The following AMBRA1 variants were observed in gnomAD, a reference collection of about 807,000 sequenced individuals.
AMBRA1 encodes the protein activating molecule in BECN1-regulated autophagy protein 1.
AMBRA1 carries 47 observed loss-of-function variants against 125.4 expected under a neutral mutation model. That is an observed-to-expected ratio of 0.37 (90% CI 0.30 to 0.48). The LOEUF is 0.48. Ranked by LOEUF, AMBRA1 falls within the 20% of genes least tolerant of loss-of-function variation. AMBRA1 has a pLI of 0.99. For missense variants in AMBRA1, 1,331 were observed against 1,693.4 expected, an observed-to-expected ratio of 0.79 and a Z score of 3.76; for synonymous variants, 626 against 655.5, an observed-to-expected ratio of 0.95 and a Z score of 0.69.
intron 5 of AMBRA1, among the ~76,000 whole-genome samples, chr11:46,544,268 A>C (rs1383663413): frequency 6.6e-6 from 1 of 152,206 alleles, no homozygotes; most frequent in Non-Finnish European, 1.5e-5. Flanking sequence ...ATTTCACATG[A>C]AAAACACCTA....
rs778337364 is a variant in AMBRA1 at position 46,542,228 on chromosome 11, T to C, written c.1789A>G (p.Ser597Gly). 8 of 1,614,130 alleles carry C rather than the reference T, an allele frequency of 5.0e-6. No individual in the cohort carries two copies. The highest frequency in any genetic ancestry group is 1.1e-5 in the South Asian group (1 of 91,086). ...TTPNYSSGEA[S>G]SSWQVPSSFE... The stretch of plus-strand genomic sequence containing the variant: ...GAGCTGGGGACCTGCCAAGAGGAAC[T>C]AGCCTCGCCAGAGGAGTAGTTAGGT... The change falls in exon 7 of 18, where the codon AGT (serine) becomes GGT (glycine). Residue 597 changes from serine to glycine, a missense_variant. Coordinates refer to ENST00000683756, the MANE Select transcript of AMBRA1 (RefSeq NM_001387011.1). The surrounding 1 kb of genome is among the most constrained non-coding windows in gnomAD (Gnocchi z 5.9).
intron 9 of AMBRA1, among the ~76,000 whole-genome samples, chr11:46,497,143 TAAAAA>T (rs1396356426): frequency 6.7e-6 from 1 of 150,114 alleles, no homozygotes; most frequent in African/African-American, 2.5e-5. Context: ...TAAAATAAAA[TAAAAA>T]AATAAAGGGA....
At chr11:46,414,173 T>C (rs960012216) in intron 15 of AMBRA1, among the ~76,000 whole-genome samples, 2 of 152,206 alleles carry the variant, frequency 1.3e-5, no homozygotes, top group African/African-American at 4.8e-5. Context: ...CTTGGGACCA[T>C]TCCCTTGGAT....
chr11:46,475,423 G>T (rs1415868286), intron 11 of AMBRA1, among the ~76,000 whole-genome samples: 1 of 152,154 alleles, frequency 6.6e-6, no homozygotes, highest in Non-Finnish European at 1.5e-5. Context: ...TCTTTGAGGG[G>T]GTAGACTGGA....
At chr11:46,500,612 A>G (rs1008971270) in intron 9 of AMBRA1, among the ~76,000 whole-genome samples, 4 of 152,124 alleles carry the variant, frequency 2.6e-5, no homozygotes, top group Non-Finnish European at 5.9e-5. Flanking sequence ...GGGCTTTCTG[A>G]TATCTCTCTC....
At chr11:46,516,088 G>C (rs1020907836) in intron 7 of AMBRA1, among the ~76,000 whole-genome samples, 5 of 152,276 alleles carry the variant, frequency 3.3e-5, no homozygotes, top group Non-Finnish European at 4.4e-5. Context: ...TGTTGCTGGA[G>C]AGTCTCTGAT....
Position 46,566,420 on chromosome 11 carries a change from G to GA in AMBRA1, c.-120-17921dup, listed in dbSNP as rs1016807453. Among the ~76,000 whole-genome samples, 199 of 132,894 alleles carry GA rather than the reference G, an allele frequency of 1.5e-3. 1 individual carries two copies. The highest frequency in any genetic ancestry group is 3.3e-3 in the African/African-American group (119 of 36,264). 87.2% of individuals were successfully genotyped at this position (132,894 alleles called of 152,430 possible). ...GTGACACAGCGAGACTACATCTCAA[G>GA]AAAAAAAAAAAAGAGTGGAGCTATT... On this transcript the variant is annotated intron_variant, in intron 1 of 17. Coordinates refer to ENST00000683756, the MANE Select transcript of AMBRA1 (RefSeq NM_001387011.1).
chr11:46,511,745 T>C (rs1167273395), intron 8 of AMBRA1, among the ~76,000 whole-genome samples: 1 of 152,248 alleles, frequency 6.6e-6, no homozygotes, highest in Non-Finnish European at 1.5e-5. Flanking sequence ...ATGAATGTTA[T>C]CCATTAATAT....
At chr11:46,509,903 G>T (rs1456043526) in intron 8 of AMBRA1, among the ~76,000 whole-genome samples, 1 of 152,078 alleles carries the variant, frequency 6.6e-6, no homozygotes, top group Admixed American at 6.6e-5. Context: ...ACAGAAACAG[G>T]AATAGTTATA....
intron 12 of AMBRA1, 50 bp from the exon 13 acceptor site, chr11:46,435,087 C>A: frequency 1.3e-6 from 2 of 1,490,904 alleles, no homozygotes; most frequent in Non-Finnish European, 1.8e-6. Flanking sequence ...GGAGTTGATA[C>A]TGTAAAAATT....
intron 1 of AMBRA1, among the ~76,000 whole-genome samples, chr11:46,552,950 T>C (rs2043054194): frequency 6.6e-6 from 1 of 151,964 alleles, no homozygotes; most frequent in Non-Finnish European, 1.5e-5. Flanking sequence ...CATCACTCAC[T>C]TTTTTTCTTT....
At chr11:46,415,583 C>A (rs1946502938) in intron 15 of AMBRA1, among the ~76,000 whole-genome samples, 1 of 152,186 alleles carries the variant, frequency 6.6e-6, no homozygotes, top group Non-Finnish European at 1.5e-5. Flanking sequence ...GAACTTAAGT[C>A]ATGTCCATGT....
chr11:46,593,635 CTCTCCCTCCTTTCGGCT>C (rs1478047952), intron 1 of AMBRA1, among the ~76,000 whole-genome samples, 176 bp downstream of exon 1: 3 of 152,248 alleles, frequency 2.0e-5, no homozygotes, highest in African/African-American at 7.2e-5. Context: ...GCCCCAGCAA[CTCTCCCTCCTTTCGGCT>C]TCTCCCTCGG....
chr11:46,479,766 C>T (rs1461233446), intron 11 of AMBRA1, among the ~76,000 whole-genome samples: 1 of 152,150 alleles, frequency 6.6e-6, no homozygotes, highest in Non-Finnish European at 1.5e-5. Flanking sequence ...GGAGACAAGT[C>T]ATCCCAGCTG....
At chr11:46,449,437 C>CA (rs1343848820) in intron 11 of AMBRA1, among the ~76,000 whole-genome samples, 2 of 151,966 alleles carry the variant, frequency 1.3e-5, no homozygotes, top group African/African-American at 4.8e-5. Flanking sequence ...ACATTAGCAT[C>CA]AAAAAAATAA....
At chr11:46,485,001 G>A (rs544041568) in intron 11 of AMBRA1, among the ~76,000 whole-genome samples, 5 of 150,580 alleles carry the variant, frequency 3.3e-5, no homozygotes, top group African/African-American at 1.2e-4. Context: ...GCAATGGCGC[G>A]ATCTCAGCTC....
intron 14 of AMBRA1, chr11:46,428,776 ATC>A (rs1947289366): frequency 3.1e-6 from 5 of 1,610,950 alleles, no homozygotes; most frequent in Middle Eastern, 2.0e-4. Context: ...GTCTGTAGGT[ATC>A]TCTGTCAGCT....
chr11:46,445,024 T>C (rs1229561158), intron 11 of AMBRA1, among the ~76,000 whole-genome samples: 4 of 140,490 alleles, frequency 2.8e-5, no homozygotes. Flanking sequence ...GGAAATATCA[T>C]CCCCATGGGG....
intron 1 of AMBRA1, among the ~76,000 whole-genome samples, chr11:46,580,171 T>C (rs535358462): frequency 6.6e-6 from 1 of 152,352 alleles, no homozygotes; most frequent in African/African-American, 2.4e-5. Flanking sequence ...CAATGTACAG[T>C]GATTACTCCC....
Sources: allele counts gnomAD v4.1 joint callset (sites outside exome capture counted in the v4.1 genomes callset), GRCh38; gene constraint gnomAD v4.1.1; non-coding constraint Gnocchi (gnomAD v3.1); transcripts MANE v1.5; gene names NCBI Gene and HGNC (gene_info 2026-07-23, HGNC 2026-07-21).